The following HTR2C variants were observed in gnomAD, a reference collection of about 807,000 sequenced individuals.
The protein encoded by HTR2C is 5-hydroxytryptamine (serotonin) receptor 2C, G protein-coupled.
A neutral mutation model predicts 21.0 loss-of-function variants in HTR2C; 5 were observed. The ratio of observed to expected loss-of-function variants is 0.24; its 90% confidence interval spans 0.12 to 0.50. The LOEUF (loss-of-function observed/expected upper bound fraction) is 0.50, where lower values mean the gene tolerates loss of function less well. Among genes scored for constraint, HTR2C ranks in the 20% least tolerant of loss-of-function variants. The probability of loss-of-function intolerance (pLI) is 0.98; values close to 1 mark genes in which losing one functional copy is unlikely to be tolerated. For synonymous variants in HTR2C, 150 were observed against 145.3 expected (o/e 1.03, Z -0.23); for missense variants, 271 against 371.2 (o/e 0.73, Z 2.22).
At chrX:114,586,698 G>A (rs1927412064) in intron 1 of HTR2C, among the ~76,000 whole-genome samples, 1 of 111,181 alleles carries the variant, frequency 9.0e-6, no homozygotes, top group Non-Finnish European at 1.9e-5. Context: ...AATGTAACAG[G>A]CTTTTGTGCA....
At chrX:114,637,019 CA>C (rs1431172719) in intron 2 of HTR2C, among the ~76,000 whole-genome samples, 1 of 111,583 alleles carries the variant, frequency 9.0e-6, no homozygotes, top group Non-Finnish European at 1.9e-5. Context: ...GGAAAATATT[CA>C]TAGTCAGTAC....
chrX:114,853,536 C>T (rs1331080765), intron 5 of HTR2C, among the ~76,000 whole-genome samples: 2 of 111,611 alleles, frequency 1.8e-5, no homozygotes, highest in Non-Finnish European at 3.8e-5. Flanking sequence ...GTGACATACA[C>T]ATTCAATTTT....
chrX:114,868,852 T>A (rs782202880), intron 5 of HTR2C, among the ~76,000 whole-genome samples: 2 of 111,109 alleles, frequency 1.8e-5, no homozygotes, highest in South Asian at 7.6e-4. Flanking sequence ...GTATTTTTTT[T>A]TTATTATACT....
chrX:114,883,036 G>A (rs782146197), intron 5 of HTR2C, among the ~76,000 whole-genome samples: 39 of 110,382 alleles, frequency 3.5e-4, no homozygotes, highest in African/African-American at 4.9e-4. Flanking sequence ...TTAGTGGTCA[G>A]TGTGTTTACT....
chrX:114,857,552 G>C (rs1399618586), intron 5 of HTR2C, among the ~76,000 whole-genome samples: 1 of 111,141 alleles, frequency 9.0e-6, no homozygotes, highest in Non-Finnish European at 1.9e-5. Context: ...CCTCTTTTGT[G>C]ATGAATTTTT....
chrX:114,856,828 G>C (rs1198158697), intron 5 of HTR2C, among the ~76,000 whole-genome samples: 3 of 111,196 alleles, frequency 2.7e-5, no homozygotes, highest in African/African-American at 9.8e-5. Context: ...TGTACAGTTT[G>C]GTGTCATCTG....
intron 2 of HTR2C, among the ~76,000 whole-genome samples, chrX:114,663,131 C>T (rs1931051318): frequency 9.0e-6 from 1 of 111,352 alleles, no homozygotes. Context: ...AGATTGTAAG[C>T]TCTCCTTCAT....
At chrX:114,808,361 C>T (rs924632727) in intron 4 of HTR2C, among the ~76,000 whole-genome samples, 7 of 111,530 alleles carry the variant, frequency 6.3e-5, no homozygotes, top group Non-Finnish European at 3.8e-5. Flanking sequence ...TTTCTTCATT[C>T]ATCTGCTGAT....
intron 2 of HTR2C, among the ~76,000 whole-genome samples, chrX:114,708,644 A>T (rs914487514): frequency 3.0e-4 from 33 of 109,912 alleles, no homozygotes; most frequent in Admixed American, 1.7e-3. Context: ...TAGCTAAAAA[A>T]AATTTTTTTT....
intron 4 of HTR2C, among the ~76,000 whole-genome samples, chrX:114,787,198 C>T (rs1292813125): frequency 1.8e-5 from 2 of 111,730 alleles, no homozygotes; most frequent in African/African-American, 6.5e-5. Context: ...GGGCCTGGTT[C>T]CCCAGAGGAC....
intron 4 of HTR2C, among the ~76,000 whole-genome samples, chrX:114,798,397 G>T (rs1440685018): frequency 8.1e-5 from 9 of 111,520 alleles, no homozygotes; most frequent in African/African-American, 2.9e-4. Context: ...GTTATGCCAA[G>T]AACTTATTAA....
At chrX:114,817,727 C>T (rs2070598718) in intron 4 of HTR2C, among the ~76,000 whole-genome samples, 1 of 111,122 alleles carries the variant, frequency 9.0e-6, no homozygotes, top group Non-Finnish European at 1.9e-5. Context: ...TCCTTCAGAG[C>T]CTCATTTCCA....
At chrX:114,658,052 T>G (rs1930850462) in intron 2 of HTR2C, among the ~76,000 whole-genome samples, 1 of 56,218 alleles carries the variant, frequency 1.8e-5, no homozygotes, top group Admixed American at 2.6e-4. Context: ...AGAGGAAGAG[T>G]AAAACAATTT....
At chrX:114,622,527 A>G (rs1420188911) in intron 2 of HTR2C, among the ~76,000 whole-genome samples, 3 of 111,780 alleles carry the variant, frequency 2.7e-5, no homozygotes, top group Admixed American at 1.9e-4. Context: ...GATGCTGTCC[A>G]GTTGTTTTGG....
At chrX:114,590,808 T>C (rs1556390885) in intron 1 of HTR2C, among the ~76,000 whole-genome samples, 1 of 111,893 alleles carries the variant, frequency 8.9e-6, no homozygotes, top group Non-Finnish European at 1.9e-5. Flanking sequence ...TACACCATTA[T>C]ATATACATAT....
chrX:114,659,165 C>A (rs373703562), intron 2 of HTR2C, among the ~76,000 whole-genome samples: 1 of 111,140 alleles, frequency 9.0e-6, no homozygotes, highest in Non-Finnish European at 1.9e-5. Flanking sequence ...CTCACTATCA[C>A]GAGAACAGCA....
chrX:114,707,238 A>G (rs111715646), intron 2 of HTR2C, among the ~76,000 whole-genome samples: 2,169 of 110,574 alleles, frequency 0.02, 58 homozygotes, highest in African/African-American at 0.067. Context: ...AGGCATTTCT[A>G]TTCAAAATAT....
intron 4 of HTR2C, among the ~76,000 whole-genome samples, chrX:114,798,538 T>C (rs1302303370): frequency 2.7e-5 from 3 of 111,741 alleles, no homozygotes; most frequent in East Asian, 2.8e-4. Context: ...CAGTTGCATG[T>C]AATAATTTTT....
intron 2 of HTR2C, among the ~76,000 whole-genome samples, chrX:114,669,775 C>T (rs1277047862): frequency 8.9e-6 from 1 of 112,604 alleles, no homozygotes; most frequent in Non-Finnish European, 1.9e-5. Context: ...CAACAGCTAA[C>T]ATTCATTAGA....
Sources: allele counts gnomAD v4.1 joint callset (sites outside exome capture counted in the v4.1 genomes callset), GRCh38; gene constraint gnomAD v4.1.1; transcripts MANE v1.5; gene names NCBI Gene and HGNC (gene_info 2026-07-23, HGNC 2026-07-21).